SHANK2: variants seen among roughly 807,000 people sequenced by gnomAD.
SHANK2 encodes the protein SH3 and multiple ankyrin repeat domains protein 2.
SHANK2 carries 43 observed loss-of-function variants against 133.7 expected under a neutral mutation model. That is an observed-to-expected ratio of 0.32 (90% CI 0.25 to 0.41). The LOEUF is 0.41. SHANK2 is among the 10% of genes least tolerant of loss of function. SHANK2 has a pLI of 1.00. For missense variants in SHANK2, 1,994 were observed against 2,235.8 expected (o/e 0.89, Z 2.18); for synonymous variants, 1,017 against 952.8 (o/e 1.07, Z -1.24).
At chr11:70,840,457 C>T (rs1177362361) in intron 11 of SHANK2, among the ~76,000 whole-genome samples, 4 of 152,212 alleles carry the variant, frequency 2.6e-5, no homozygotes, top group African/African-American at 9.6e-5. Flanking sequence ...CTGCAAGATC[C>T]CCCCTCTCAG....
chr11:71,202,954 C>T (rs1306251789), intron 2 of SHANK2, among the ~76,000 whole-genome samples: 1 of 152,196 alleles, frequency 6.6e-6, no homozygotes, highest in Non-Finnish European at 1.5e-5. Context: ...GTGACTTTGA[C>T]CCTTTTTCTC....
intron 17 of SHANK2, among the ~76,000 whole-genome samples, chr11:70,653,767 G>A (rs1555010798): frequency 1.3e-5 from 2 of 152,106 alleles, no homozygotes; most frequent in African/African-American, 4.8e-5. Context: ...CAATCAACTG[G>A]GATTAACAGG....
At chr11:70,598,590 T>G (rs1368588893) in intron 17 of SHANK2, among the ~76,000 whole-genome samples, 1 of 152,174 alleles carries the variant, frequency 6.6e-6, no homozygotes, top group Admixed American at 6.5e-5. Flanking sequence ...AGAGCTTGAC[T>G]CCGGTTGGAA....
At chr11:70,672,963 G>A (rs11237157) in intron 15 of SHANK2, among the ~76,000 whole-genome samples, 12,060 of 152,296 alleles carry the variant, frequency 0.079, 663 homozygotes, top group Non-Finnish European at 0.12. Flanking sequence ...TTTCCTGTCT[G>A]CAAAATGAAA....
chr11:71,130,621 C>G (rs1555103493), intron 3 of SHANK2, among the ~76,000 whole-genome samples: 1 of 152,164 alleles, frequency 6.6e-6, no homozygotes, highest in Non-Finnish European at 1.5e-5. Flanking sequence ...CAACATGAGG[C>G]TTGGATTACA....
At chr11:70,620,876 G>T (rs546799547) in intron 17 of SHANK2, among the ~76,000 whole-genome samples, 1 of 152,296 alleles carries the variant, frequency 6.6e-6, no homozygotes, top group South Asian at 2.1e-4. Context: ...CAAATTGCTG[G>T]CACCTTGATC....
intron 1 of SHANK2, among the ~76,000 whole-genome samples, chr11:71,240,126 G>A (rs906482846): frequency 6.6e-6 from 1 of 152,204 alleles, no homozygotes; most frequent in Non-Finnish European, 1.5e-5. Context: ...TCTACAAAGA[G>A]CCTGCCACGG....
At chr11:70,735,309 C>T (rs540078149) in intron 14 of SHANK2, among the ~76,000 whole-genome samples, 19 of 152,298 alleles carry the variant, frequency 1.2e-4, no homozygotes, top group East Asian at 5.8e-4. Context: ...GAGATCCTTC[C>T]TCGGGGAGGA....
intron 1 of SHANK2, among the ~76,000 whole-genome samples, chr11:71,226,117 A>G (rs1954638680): frequency 6.6e-6 from 1 of 152,200 alleles, no homozygotes; most frequent in African/African-American, 2.4e-5. Context: ...GTGAAACTCC[A>G]TCTTACAAAA....
At chr11:71,216,340 T>A (rs1461580317) in intron 2 of SHANK2, among the ~76,000 whole-genome samples, 2 of 152,116 alleles carry the variant, frequency 1.3e-5, no homozygotes, top group Non-Finnish European at 2.9e-5. Context: ...CTTGAAAACA[T>A]GATGCTGAGT....
In SHANK2 at chr11:70,599,489, C is replaced by T. The variant is rs537106651; in HGVS notation, c.2061+60339G>A. On this transcript the variant is annotated intron_variant, in intron 17 of 25. Transcript: ENST00000601538. ...GGGCGAGGTGGCGGGCGCCTGTAGT[C>T]CCAGCTACTCGGGAGGCTGAGGCAG... Among the ~76,000 whole-genome samples, 74 of 133,934 alleles carry T rather than the reference C, an allele frequency of 5.5e-4. 6 individuals carry two copies. Among genetic ancestry groups the T allele is most frequent in the African/African-American group, 1.8e-3 (67 of 37,644 alleles). The allele number at this position is 133,934 out of a possible 152,430, so 87.9% of individuals were successfully genotyped here.
At chr11:71,235,816 T>C (rs1191695921) in intron 1 of SHANK2, among the ~76,000 whole-genome samples, 1 of 152,218 alleles carries the variant, frequency 6.6e-6, no homozygotes, top group Non-Finnish European at 1.5e-5. Flanking sequence ...CTGAGGTCTA[T>C]GTGACACAGC....
At chr11:70,749,301 G>A (rs554313892) in intron 14 of SHANK2, among the ~76,000 whole-genome samples, 3 of 152,336 alleles carry the variant, frequency 2.0e-5, no homozygotes, top group East Asian at 3.9e-4. Context: ...GGCTGACCCC[G>A]AAGCACGCAT....
Position 71,092,450 on chromosome 11 carries a change from T to C in SHANK2, c.884A>G (p.Asp295Gly). Residue 295 changes from aspartate (D) to glycine (G), a missense_variant, in exon 8 of 26, where the codon GAT becomes GGT. Physicochemically the swap from Asp to Gly is moderately conservative, Grantham distance 94. This residue lies in a region of SHANK2 where 653 missense variants were observed against 563.4 expected (regional missense o/e 1.16). Coordinates refer to ENST00000601538, the MANE Select transcript of SHANK2 (RefSeq NM_012309.5). The part of the protein sequence containing the change: ...LHEHATVCCK[D>G]ENGWHEIHQA... ...GTGGATCTCGTGCCAGCCGTTCTCATCTTTGCAGCACACAGTGGCGTGTTC... is the reference window on the plus strand; with the variant it reads ...GTGGATCTCGTGCCAGCCGTTCTCACCTTTGCAGCACACAGTGGCGTGTTC... 6.4e-7 allele frequency: 1 copy of C among 1,551,418 alleles called. No individual in the cohort carries two copies. The highest frequency in any genetic ancestry group is 1.2e-5 in the South Asian group (1 of 84,020).
At chr11:70,501,840 G>C (rs1322924749) in intron 20 of SHANK2, 83 bp downstream of exon 20, 1 of 1,441,476 alleles carries the variant, frequency 6.9e-7, no homozygotes, top group Non-Finnish European at 9.5e-7. Context: ...ACAGGCCTCC[G>C]AGGCCTGGGC....
At chr11:70,504,207 A>G (rs1158249536) in intron 17 of SHANK2, among the ~76,000 whole-genome samples, 1 of 151,796 alleles carries the variant, frequency 6.6e-6, no homozygotes, top group African/African-American at 2.4e-5. Context: ...TAGATTCTTC[A>G]AAAACTAAAC....
intron 2 of SHANK2, among the ~76,000 whole-genome samples, chr11:71,164,216 A>G (rs782574664): frequency 1.3e-5 from 2 of 152,178 alleles, no homozygotes; most frequent in Non-Finnish European, 2.9e-5. Context: ...AATCATCCCC[A>G]GGTACAAGCC....
chr11:70,473,592 C>G lies in SHANK2; in HGVS notation c.4980-153G>C, dbSNP rs1389797967. The stretch of plus-strand genomic sequence containing the variant: ...GGCAGTGAACGAATGATTTGCCATG[C>G]CAGGGTGGGGGAGGGGGAGAAAGGG... On this transcript the variant is annotated intron_variant, in intron 25 of 25. Transcript: ENST00000601538. The surrounding 1 kb of genome is among the most constrained non-coding windows in gnomAD (Gnocchi z 5.9). The G allele has an allele frequency of 1.3e-6, 1 of 781,896 alleles. No homozygotes were observed. Among genetic ancestry groups the G allele is most frequent in the Non-Finnish European group, 2.2e-6 (1 of 459,940 alleles). 48.4% of individuals were successfully genotyped at this position (781,896 alleles called of 1,614,324 possible). A position where few individuals can be genotyped will look rare whatever the true frequency, so the allele number is the denominator to read the frequency against.
chr11:70,798,654 C>T (rs782683214), intron 13 of SHANK2, 98 bp from the exon 14 acceptor site: 18 of 679,210 alleles, frequency 2.7e-5, no homozygotes, highest in Non-Finnish European at 3.6e-5. Context: ...GGAGAATCAG[C>T]GCACCCCTGG....
Sources: gnomAD v4.1 joint callset for allele counts (sites outside exome capture counted in the v4.1 genomes callset) on GRCh38, gnomAD v4.1.1 for gene constraint, gnomAD v4.1.1 regional missense constraint, Gnocchi (gnomAD v3.1) non-coding constraint, MANE v1.5 for transcripts, NCBI Gene and HGNC (gene_info 2026-07-23, HGNC 2026-07-21) for gene names.